GNG7: variants seen among roughly 807,000 people sequenced by gnomAD.
GNG7 encodes guanine nucleotide-binding protein G(I)/G(S)/G(O) subunit gamma-7.
GNG7 carries 1 observed loss-of-function variant against 4.0 expected under a neutral mutation model. That is an observed-to-expected ratio of 0.25 (90% CI 0.09 to 1.18). GNG7 has a LOEUF of 1.18. GNG7 is among the 50% of genes most tolerant of loss of function. The pLI, the probability that GNG7 is intolerant of heterozygous loss-of-function variation, is 0.50. For missense variants in GNG7, 86 were observed against 91.9 expected (o/e 0.94, Z 0.26); for synonymous variants, 34 against 36.9 (o/e 0.92, Z 0.29).
chr19:2,550,038 T>C (rs1979264378), intron 3 of GNG7, among the ~76,000 whole-genome samples: 2 of 152,226 alleles, frequency 1.3e-5, no homozygotes, highest in Admixed American at 1.3e-4. Flanking sequence ...CCGAGGCCTC[T>C]TTCCGCTCTC....
chr19:2,554,290 G>T (rs1474118691), intron 3 of GNG7, among the ~76,000 whole-genome samples: 1 of 149,024 alleles, frequency 6.7e-6, no homozygotes, highest in Non-Finnish European at 1.5e-5. Flanking sequence ...GGGCTCAAGT[G>T]ATCCTTCTGC....
intron 1 of GNG7, among the ~76,000 whole-genome samples, chr19:2,663,250 G>C (rs1439212377): frequency 6.6e-6 from 1 of 152,106 alleles, no homozygotes; most frequent in Non-Finnish European, 1.5e-5. Flanking sequence ...ACCATGTTGA[G>C]AGGTGAGAAC....
intron 2 of GNG7, among the ~76,000 whole-genome samples, chr19:2,640,300 A>G: frequency 6.6e-6 from 1 of 152,188 alleles, no homozygotes; most frequent in African/African-American, 2.4e-5. Context: ...CAAGAAAAAG[A>G]GAGACATTCC....
intron 2 of GNG7, among the ~76,000 whole-genome samples, chr19:2,579,737 G>T (rs1004274739): frequency 6.6e-6 from 1 of 152,184 alleles, no homozygotes; most frequent in Non-Finnish European, 1.5e-5. Context: ...GTTGCCAAAC[G>T]TGCAGACGAC....
At chr19:2,552,857 C>CA (rs150374145) in intron 3 of GNG7, among the ~76,000 whole-genome samples, 41,100 of 147,704 alleles carry the variant, frequency 0.28, 6,419 homozygotes, top group South Asian at 0.36. Flanking sequence ...CTCCACCCCC[C>CA]CCACCTCCCC....
At chr19:2,538,240 C>A (rs1042821619) in intron 3 of GNG7, 1 of 456,634 alleles carries the variant, frequency 2.2e-6, no homozygotes, top group South Asian at 1.5e-5. Context: ...ATAAGGAAAG[C>A]CGTGCTGAGT....
rs199579399 is a variant in GNG7, at chr19:2,658,387, C to CT, written c.-134-12108dup. On this transcript the variant is annotated intron_variant, in intron 1 of 4. Coordinates refer to ENST00000382159, the MANE Select transcript of GNG7 (RefSeq NM_052847.3). ...TACAACACTTTTAAAATGGAAAAGG[C>CT]TTTTTAGCCCCGAGCTTTATAAAAA... Among the ~76,000 whole-genome samples the CT allele has an allele frequency of 5.6e-3, 846 of 152,052 alleles. 9 individuals carry two copies. Among genetic ancestry groups the CT allele is most frequent in the African/African-American group, 0.019 (801 of 41,452 alleles).
At chr19:2,598,972 T>C (rs1981118144) in intron 2 of GNG7, among the ~76,000 whole-genome samples, 1 of 152,092 alleles carries the variant, frequency 6.6e-6, no homozygotes, top group Non-Finnish European at 1.5e-5. Flanking sequence ...TCTCCAAAAT[T>C]GGAAAGTGAA....
intron 1 of GNG7, among the ~76,000 whole-genome samples, chr19:2,660,272 C>G (rs956401663): frequency 6.6e-6 from 1 of 152,206 alleles, no homozygotes; most frequent in African/African-American, 2.4e-5. Flanking sequence ...ACCCACAAGG[C>G]TCTGTGTAAT....
At chr19:2,553,850 T>C (rs568897011) in intron 3 of GNG7, among the ~76,000 whole-genome samples, 104 of 142,138 alleles carry the variant, frequency 7.3e-4, no homozygotes, top group African/African-American at 2.6e-3. Context: ...ATTGCATACA[T>C]GTACATATTA....
chr19:2,668,139 G>A (rs201533746), intron 1 of GNG7, among the ~76,000 whole-genome samples: 2 of 151,990 alleles, frequency 1.3e-5, no homozygotes, highest in Non-Finnish European at 2.9e-5. Context: ...AGGAAAATTG[G>A]GTGGTGAGGA....
chr19:2,649,835 C>T (rs1038950630), intron 1 of GNG7, among the ~76,000 whole-genome samples: 2 of 152,162 alleles, frequency 1.3e-5, no homozygotes, highest in African/African-American at 4.8e-5. Context: ...ATTCTCATCA[C>T]CCTACAAAGA....
Position 2,527,781 on chromosome 19 carries a change from C to CCG in GNG7, c.-37-7057_-37-7056insCG, listed in dbSNP as rs918317296. Among the ~76,000 whole-genome samples, 12 of 151,840 alleles carry CCG rather than the reference C, an allele frequency of 7.9e-5. No homozygotes were observed. In the East Asian group the frequency reaches 2.3e-3, roughly 29 times the overall value. The stretch of plus-strand genomic sequence containing the variant: ...CCCACTCCTTGCCAGGAAACCCCCC[C>CCG]CCCCACCAGTGCGCCCACAGTCATG... On this transcript the variant is annotated intron_variant, in intron 3 of 4. Coordinates refer to ENST00000382159, the MANE Select transcript of GNG7 (RefSeq NM_052847.3).
intron 2 of GNG7, among the ~76,000 whole-genome samples, chr19:2,603,647 A>C (rs1316211475): frequency 6.6e-6 from 1 of 152,158 alleles, no homozygotes; most frequent in Non-Finnish European, 1.5e-5. Context: ...TAGGAAACCA[A>C]CCATCTGGAG....
rs1599370359 is a variant in GNG7 at position 2,520,728 on chromosome 19, G to A, written c.-37-3C>T. ...TCTGGGCCCCGTTGTTCAGAGAGCT[G>A]TGGGGGAAGCAGAGGGGTGTGGGTC... On this transcript the variant is annotated splice_polypyrimidine_tract_variant and splice_region_variant and intron_variant, in intron 3 of 4. Transcript: ENST00000382159. The A allele has an allele frequency of 8.9e-6, 11 of 1,239,844 alleles. No homozygotes were observed. The African/African-American group carries it at 1.0e-4, about 12-fold the overall frequency. 76.8% of individuals were successfully genotyped at this position (1,239,844 alleles called of 1,614,324 possible). A position where few individuals can be genotyped will look rare whatever the true frequency, so the allele number is the denominator to read the frequency against.
At chr19:2,562,410 A>G (rs1979771686) in intron 2 of GNG7, among the ~76,000 whole-genome samples, 1 of 151,462 alleles carries the variant, frequency 6.6e-6, no homozygotes, top group Non-Finnish European at 1.5e-5. Context: ...CAGCCTCCCA[A>G]AGTGCCGGGA....
intron 2 of GNG7, among the ~76,000 whole-genome samples, chr19:2,579,369 C>T (rs1454191485): frequency 3.3e-5 from 5 of 152,234 alleles, no homozygotes; most frequent in Non-Finnish European, 7.3e-5. Flanking sequence ...AGGGCAGGCA[C>T]CTGGCACCCA....
chr19:2,594,624 A>G (rs915161929), intron 2 of GNG7, among the ~76,000 whole-genome samples: 1 of 152,042 alleles, frequency 6.6e-6, no homozygotes, highest in African/African-American at 2.4e-5. Context: ...CGGGTATTTC[A>G]CACAAATTCA....
chr19:2,533,312 T>G (rs1978650330), intron 3 of GNG7, among the ~76,000 whole-genome samples: 1 of 151,506 alleles, frequency 6.6e-6, no homozygotes, highest in Non-Finnish European at 1.5e-5. Context: ...AAGCTGGATA[T>G]TAGAGGTGCA....
Sources: gnomAD v4.1 joint callset for allele counts (sites outside exome capture counted in the v4.1 genomes callset) on GRCh38, gnomAD v4.1.1 for gene constraint, MANE v1.5 for transcripts, NCBI Gene and HGNC (gene_info 2026-07-23, HGNC 2026-07-21) for gene names.